Variants in GRIK4 observed in about 807,000 individuals in gnomAD.
GRIK4 encodes glutamate ionotropic receptor kainate type subunit 4.
Under a neutral mutation model 104.9 loss-of-function variants are expected in GRIK4, and 40 were observed. The ratio of observed to expected loss-of-function variants is 0.38; its 90% confidence interval spans 0.30 to 0.50. The LOEUF is 0.50. GRIK4 is among the 20% of genes least tolerant of loss of function. GRIK4 has a pLI of 0.93. For missense variants in GRIK4, 1,047 were observed against 1,308.1 expected (o/e 0.80, Z 3.08); for synonymous variants, 485 against 524.9 (o/e 0.92, Z 1.04).
intron 4 of GRIK4, among the ~76,000 whole-genome samples, chr11:120,810,029 C>G (rs1286145557): frequency 6.6e-6 from 1 of 152,210 alleles, no homozygotes; most frequent in South Asian, 2.1e-4. Flanking sequence ...TGCTCCACTG[C>G]ACTCCAGCCT....
intron 14 of GRIK4, among the ~76,000 whole-genome samples, chr11:120,944,896 T>C (rs1432157450): frequency 4.1e-5 from 6 of 146,510 alleles, no homozygotes; most frequent in Admixed American, 2.0e-4. Flanking sequence ...AATACACTCA[T>C]AGCAGTGCCT....
At chr11:120,674,416 C>T (rs1368659674) in intron 3 of GRIK4, among the ~76,000 whole-genome samples, 1 of 152,224 alleles carries the variant, frequency 6.6e-6, no homozygotes, top group African/African-American at 2.4e-5. Context: ...ACACATCCCC[C>T]TGCCCTGGCT....
At chr11:120,823,492 T>C (rs1953176617) in intron 6 of GRIK4, among the ~76,000 whole-genome samples, 1 of 152,000 alleles carries the variant, frequency 6.6e-6, no homozygotes, top group Non-Finnish European at 1.5e-5. Context: ...GAAAACAGAG[T>C]CTTGGAGGTA....
chr11:120,859,875 G>T (rs1954215053), intron 8 of GRIK4, among the ~76,000 whole-genome samples: 1 of 152,206 alleles, frequency 6.6e-6, no homozygotes, highest in South Asian at 2.1e-4. Flanking sequence ...TCAGGCATTG[G>T]TGGCTTCAAA....
chr11:120,836,639 G>A, intron 7 of GRIK4, 152 bp from the exon 8 acceptor site: 3 of 658,068 alleles, frequency 4.6e-6, no homozygotes, highest in South Asian at 1.8e-5. Context: ...CTAAGATCAA[G>A]GGCAACATAA....
chr11:120,973,159 G>A (rs1021370733), intron 19 of GRIK4, among the ~76,000 whole-genome samples: 1 of 152,190 alleles, frequency 6.6e-6, no homozygotes, highest in Non-Finnish European at 1.5e-5. Flanking sequence ...GGAAGTTGGA[G>A]GTGGAATAGA....
chr11:120,603,745 G>A (rs970848632), intron 1 of GRIK4, among the ~76,000 whole-genome samples: 3 of 152,282 alleles, frequency 2.0e-5, no homozygotes, highest in South Asian at 4.1e-4. Flanking sequence ...TTCATTTGGG[G>A]GGAAGGTTTG....
chr11:120,688,993 A>G (rs1304366823), intron 3 of GRIK4, among the ~76,000 whole-genome samples: 1 of 152,162 alleles, frequency 6.6e-6, no homozygotes, highest in Non-Finnish European at 1.5e-5. Flanking sequence ...TCAGGACTTC[A>G]CAGTCTGATG....
chr11:120,535,083 C>T (rs1393238617), intron 1 of GRIK4, among the ~76,000 whole-genome samples: 1 of 152,200 alleles, frequency 6.6e-6, no homozygotes, highest in African/African-American at 2.4e-5. Context: ...CTGATTTCCA[C>T]GGTGTAAATA....
intron 1 of GRIK4, among the ~76,000 whole-genome samples, chr11:120,543,499 CG>C (rs35258801): frequency 0.28 from 42,078 of 151,998 alleles, 6,017 homozygotes; most frequent in Admixed American, 0.41. Context: ...TACTTGAACC[CG>C]GGAGGCGGAT....
chr11:120,856,785 G>A (rs566982930), intron 8 of GRIK4, among the ~76,000 whole-genome samples: 28 of 152,234 alleles, frequency 1.8e-4, no homozygotes, highest in African/African-American at 4.3e-4. Context: ...TTCTACTTAA[G>A]GTCAAACTCA....
At chr11:120,638,122 A>G (rs1438263788) in intron 1 of GRIK4, among the ~76,000 whole-genome samples, 1 of 152,116 alleles carries the variant, frequency 6.6e-6, no homozygotes, top group African/African-American at 2.4e-5. Flanking sequence ...TCAGGTGTTC[A>G]GCCTGTGTTG....
intron 19 of GRIK4, among the ~76,000 whole-genome samples, chr11:120,971,610 C>T (rs1423212703): frequency 1.3e-5 from 2 of 152,178 alleles, no homozygotes; most frequent in Non-Finnish European, 2.9e-5. Flanking sequence ...TGGCCTTGCC[C>T]TTAAGAGGTT....
intron 3 of GRIK4, among the ~76,000 whole-genome samples, chr11:120,785,769 C>G (rs1317020521): frequency 6.6e-6 from 1 of 152,174 alleles, no homozygotes; most frequent in African/African-American, 2.4e-5. Context: ...TGGTTCTCTG[C>G]AGCGCCTGAG....
intron 13 of GRIK4, among the ~76,000 whole-genome samples, chr11:120,926,593 C>T (rs1014598750): frequency 2.0e-5 from 3 of 152,130 alleles, no homozygotes; most frequent in East Asian, 1.9e-4. Flanking sequence ...GAGGGTGTAC[C>T]CTTGGTCAAA....
intron 7 of GRIK4, among the ~76,000 whole-genome samples, chr11:120,834,355 GGTTCT>G (rs1214303284): frequency 6.6e-6 from 1 of 150,666 alleles, no homozygotes; most frequent in African/African-American, 2.4e-5. Context: ...ATTAGCAAAT[GGTTCT>G]GCTCGATGCC....
At chr11:120,706,160 T>C (rs1591820977) in intron 3 of GRIK4, among the ~76,000 whole-genome samples, 1 of 152,172 alleles carries the variant, frequency 6.6e-6, no homozygotes, top group African/African-American at 2.4e-5. Flanking sequence ...TTGCAGGAGT[T>C]TGATGGTCTG....
At chr11:120,520,641 A>G (rs1213039515) in intron 1 of GRIK4, among the ~76,000 whole-genome samples, 1 of 152,106 alleles carries the variant, frequency 6.6e-6, no homozygotes, top group Non-Finnish European at 1.5e-5. Flanking sequence ...GTGTCCACTC[A>G]CCACCTCCTC....
rs75185997 is a variant in GRIK4, at chr11:120,900,868, C to T, written c.1272+2229C>T. ...AAATGCCAGAAAGATGAGAGGGTTG[C>T]GGTGTCGCTGTCCAGCAGAGAGCTG... On this transcript the variant is annotated intron_variant, in intron 12 of 20. Coordinates refer to ENST00000527524, the MANE Select transcript of GRIK4 (RefSeq NM_014619.5). Among the ~76,000 whole-genome samples, 1,300 of 152,272 alleles carry T rather than the reference C, an allele frequency of 8.5e-3. 16 individuals carry two copies. Among genetic ancestry groups the T allele is most frequent in the African/African-American group, 0.029 (1,219 of 41,524 alleles).
Sources: allele counts gnomAD v4.1 joint callset (sites outside exome capture counted in the v4.1 genomes callset), GRCh38; gene constraint gnomAD v4.1.1; transcripts MANE v1.5; gene names NCBI Gene and HGNC (gene_info 2026-07-23, HGNC 2026-07-21).